CCNT2: variants seen among roughly 807,000 people sequenced by gnomAD.
CCNT2 encodes cyclin-T2.
Under a neutral mutation model 70.0 loss-of-function variants are expected in CCNT2, and 18 were observed. The ratio of observed to expected loss-of-function variants is 0.26; its 90% CI spans 0.18 to 0.38. CCNT2 has a LOEUF of 0.38. Ranked by LOEUF, CCNT2 falls within the 10% of genes least tolerant of loss-of-function variation. CCNT2 has a pLI of 1.00. For missense variants in CCNT2, 734 were observed against 890.2 expected, an observed-to-expected ratio of 0.82 and a Z score of 2.23; for synonymous variants, 334 against 313.3, an observed-to-expected ratio of 1.07 and a Z score of -0.70.
chr2:134,920,008 A>G (rs1221580917), intron 2 of CCNT2, 117 bp downstream of exon 2: 3 of 630,780 alleles, frequency 4.8e-6, no homozygotes, highest in Non-Finnish European at 5.5e-6. Flanking sequence ...GTAAACGTAT[A>G]TCACGTGATA....
At chr2:134,935,445 A>G (rs941133949) in intron 2 of CCNT2, among the ~76,000 whole-genome samples, 6 of 152,230 alleles carry the variant, frequency 3.9e-5, no homozygotes, top group Admixed American at 3.9e-4. Flanking sequence ...ATTTTAAAAG[A>G]TCTCATACTG....
intron 5 of CCNT2, 93 bp from the exon 6 acceptor site, chr2:134,946,008 C>CA (rs1681932564): frequency 6.2e-7 from 1 of 1,606,012 alleles, no homozygotes; most frequent in Admixed American, 1.7e-5. Context: ...TTTTTGTGTA[C>CA]AAATCTTTGA....
rs959106348 is a variant in CCNT2, at chr2:134,956,908, T to C, written c.*2260T>C. 2 of 152,610 alleles carry C rather than the reference T, an allele frequency of 1.3e-5. No homozygotes were observed. The highest frequency in any genetic ancestry group is 6.5e-5 in the Admixed American group (1 of 15,278). 9.5% of individuals were successfully genotyped at this position (152,610 alleles called of 1,614,324 possible). On this transcript the variant is annotated 3_prime_UTR_variant, in exon 9 of 9. Coordinates refer to ENST00000264157, the MANE Select transcript of CCNT2 (RefSeq NM_058241.3). ...GTATATTGTTATGGGTCAGTACTTA[T>C]TAGTACTTCCAAAATTGAATTTGAA...
At chr2:134,928,253 GC>G (rs1255015138) in intron 2 of CCNT2, among the ~76,000 whole-genome samples, 1 of 131,456 alleles carries the variant, frequency 7.6e-6, no homozygotes, top group African/African-American at 2.8e-5. Flanking sequence ...GAGCCACCAT[GC>G]CCGGCCTCAC....
In CCNT2 at chr2:134,919,892, G is replaced by T. The variant is rs758051773; in HGVS notation, c.240+1G>T. On this transcript the variant is annotated splice_donor_variant, in intron 2 of 8. Transcript: ENST00000264157. LOFTEE classifies it high-confidence loss of function. ...TTCTTTCACCAAATTCAACAAAAAT[G>T]TAAGTACTAGTTGTCTGTTTTTACT... is the stretch of plus-strand genomic sequence containing the variant. 6.3e-7 allele frequency: 1 copy of T among 1,583,538 alleles called. No homozygotes were observed. Among genetic ancestry groups the T allele is most frequent in the Non-Finnish European group, 8.6e-7 (1 of 1,166,976 alleles).
At chr2:134,928,635 T>A (rs779219386) in intron 2 of CCNT2, among the ~76,000 whole-genome samples, 2 of 151,942 alleles carry the variant, frequency 1.3e-5, no homozygotes, top group African/African-American at 2.4e-5. Context: ...CACCAGCAAA[T>A]AGAATTACTA....
At chr2:134,923,766 G>A (rs1035830561) in intron 2 of CCNT2, among the ~76,000 whole-genome samples, 7 of 152,194 alleles carry the variant, frequency 4.6e-5, no homozygotes, top group East Asian at 1.9e-4. Flanking sequence ...TGACTTGTCC[G>A]AAATTAAAAC....
In CCNT2 at chr2:134,947,789, T is replaced by C; in HGVS notation, c.593T>C (p.Val198Ala). 1.3e-6 allele frequency: 2 copies of C among 1,564,078 alleles called. No homozygotes were observed. Among genetic ancestry groups the C allele is most frequent in the Non-Finnish European group, 1.7e-6 (2 of 1,144,206 alleles). Residue 198 changes from valine to alanine, a missense_variant, in exon 7 of 9, where the codon GTA becomes GCA. Transcript: ENST00000264157. The part of the protein sequence containing the change: ...LQYKPTVIAC[V>A]CIHLACKWSN... ...TACAAACCAACAGTGATAGCATGTGTATGCATTCATTTGGCTTGCAAATGG... is the reference window on the plus strand; with the variant it reads ...TACAAACCAACAGTGATAGCATGTGCATGCATTCATTTGGCTTGCAAATGG...
chr2:134,954,098 C>T lies in CCNT2; in HGVS notation c.1643C>T (p.Ser548Leu). The T allele has an allele frequency of 6.2e-7, 1 of 1,614,136 alleles. No individual in the cohort carries two copies. Among genetic ancestry groups the T allele is most frequent in the Non-Finnish European group, 8.5e-7 (1 of 1,180,014 alleles). ...SDEGSGKSKHSSPHISRDHKE... is the reference protein window; with the variant it reads ...SDEGSGKSKHLSPHISRDHKE... ...GAAGGCAGTGGGAAGAGCAAACATT[C>T]AAGCCCACATATTAGCAGAGACCAT... The change falls in exon 9 of 9, where the codon TCA becomes TTA. Residue 548 changes from serine (S) to leucine (L), a missense_variant. Physicochemically the swap from Ser to Leu is moderately radical, Grantham distance 145. Transcript: ENST00000264157.
chr2:134,944,900 C>T, intron 5 of CCNT2: 2 of 985,054 alleles, frequency 2.0e-6, no homozygotes, highest in South Asian at 4.7e-5. Flanking sequence ...TTATTTTTTC[C>T]TTCTCTACGT....
At chr2:134,931,861 G>A (rs913975947) in intron 2 of CCNT2, among the ~76,000 whole-genome samples, 2 of 152,002 alleles carry the variant, frequency 1.3e-5, no homozygotes, top group Admixed American at 6.6e-5. Context: ...CAGCCTCCCA[G>A]GTAGCTGGGA....
At chr2:134,950,834 T>C (rs1682443116) in intron 7 of CCNT2, among the ~76,000 whole-genome samples, 1 of 152,230 alleles carries the variant, frequency 6.6e-6, no homozygotes, top group African/African-American at 2.4e-5. Context: ...TTAATTATGT[T>C]AATGGATTAT....
At chr2:134,943,406 A>G (rs1274848970) in intron 5 of CCNT2, 3 of 984,382 alleles carry the variant, frequency 3.0e-6, no homozygotes, top group Non-Finnish European at 3.6e-6. Context: ...TATCTCAAAA[A>G]AAAAAGTTAT....
intron 2 of CCNT2, among the ~76,000 whole-genome samples, chr2:134,931,176 A>C (rs186912965): frequency 6.0e-4 from 86 of 142,970 alleles, no homozygotes; most frequent in Admixed American, 2.1e-3. Context: ...GTTAGCCAGG[A>C]TGGTCTCGAT....
At chr2:134,925,573 C>CT (rs1477563195) in intron 2 of CCNT2, among the ~76,000 whole-genome samples, 1 of 152,114 alleles carries the variant, frequency 6.6e-6, no homozygotes, top group Non-Finnish European at 1.5e-5. Flanking sequence ...CAAGGCTCAT[C>CT]TATGTTGTTG....
At chr2:134,947,980 C>A in intron 7 of CCNT2, 81 bp downstream of exon 7, 2 of 749,280 alleles carry the variant, frequency 2.7e-6, no homozygotes, top group Non-Finnish European at 4.1e-6. Context: ...AGTGTCAGTA[C>A]ACTATCAGAT....
At position 134,955,825 on chromosome 2, in the gene CCNT2, AAG is replaced by A. The variant is rs1682889315; in HGVS notation, c.*1179_*1180del. The A allele has an allele frequency of 6.6e-6, 1 of 152,492 alleles. No individual in the cohort carries two copies. Among genetic ancestry groups the A allele is most frequent in the African/African-American group, 2.4e-5 (1 of 41,438 alleles). The allele number at this position is 152,492 out of a possible 1,614,324, so 9.4% of individuals were successfully genotyped here. On this transcript the variant is annotated 3_prime_UTR_variant, in exon 9 of 9. Coordinates refer to ENST00000264157, the MANE Select transcript of CCNT2 (RefSeq NM_058241.3). ...TATTCTAACAATAAATAAAAAAGAA[AAG>A]ATTACTGACTGTGCATTGTACCTGT...
Position 134,953,722 on chromosome 2 carries a change from A to C in CCNT2, c.1267A>C (p.Ile423Leu), listed in dbSNP as rs756574366. The C allele has an allele frequency of 9.9e-6, 16 of 1,613,960 alleles. No homozygotes were observed. Among genetic ancestry groups the C allele is most frequent in the Non-Finnish European group, 1.2e-5 (14 of 1,179,982 alleles). The change falls in exon 9 of 9, where the codon ATT (isoleucine) becomes CTT (leucine). Residue 423 changes from isoleucine (I) to leucine (L), a missense_variant. Physicochemically the swap from Ile to Leu is conservative, Grantham distance 5. Around this residue, in one of 3 missense-constraint regions of CCNT2, gnomAD observed 532 missense variants for 556.9 expected, o/e 0.96. Coordinates refer to ENST00000264157, the MANE Select transcript of CCNT2 (RefSeq NM_058241.3). ...AGGGAGCAGTAAACACCATGGGCCAATTTCCACTACTCCAGGAATAATTCC... is the reference window on the plus strand; with the variant it reads ...AGGGAGCAGTAAACACCATGGGCCACTTTCCACTACTCCAGGAATAATTCC... ...KAGSSKHHGP[I>L]STTPGIIPQK...
chr2:134,948,182 G>T (rs1471089510), intron 7 of CCNT2, among the ~76,000 whole-genome samples: 2 of 152,038 alleles, frequency 1.3e-5, no homozygotes, highest in Non-Finnish European at 2.9e-5. Context: ...GACTGGGTGT[G>T]GTGGTGCGTG....
Sources: allele counts gnomAD v4.1 joint callset (sites outside exome capture counted in the v4.1 genomes callset), GRCh38; gene constraint gnomAD v4.1.1; regional missense constraint gnomAD v4.1.1; transcripts MANE v1.5; gene names NCBI Gene and HGNC (gene_info 2026-07-23, HGNC 2026-07-21).